AGAP2: variants seen among roughly 807,000 people sequenced by gnomAD.
AGAP2 encodes ArfGAP with GTPase domain, ankyrin repeat and PH domain 2, also known as arf-GAP with GTPase, ANK repeat and PH domain-containing protein 2.
A neutral mutation model predicts 110.9 loss-of-function variants in AGAP2; 32 were observed. The ratio of observed to expected loss-of-function variants is 0.29; its 90% CI spans 0.22 to 0.39. The LOEUF is 0.39. Ranked by LOEUF, AGAP2 falls within the 10% of genes least tolerant of loss-of-function variation. The pLI is 1.00. For missense variants in AGAP2, 1,285 were observed against 1,638.5 expected, an observed-to-expected ratio of 0.78 and a Z score of 3.72; for synonymous variants, 702 against 713.0, an observed-to-expected ratio of 0.98 and a Z score of 0.25.
Position 57,726,893 on chromosome 12 carries a change from G to A in AGAP2, c.3336+81C>T. 1 of 1,473,218 alleles carries A rather than the reference G, an allele frequency of 6.8e-7. No homozygotes were observed. The highest frequency in any genetic ancestry group is 8.9e-7 in the Non-Finnish European group (1 of 1,118,156). The allele number at this position is 1,473,218 out of a possible 1,614,324, so 91.3% of individuals were successfully genotyped here. On this transcript the variant is annotated intron_variant, in intron 18 of 18. Coordinates refer to ENST00000547588, the MANE Select transcript of AGAP2 (RefSeq NM_001122772.3). The surrounding 1 kb of genome is among the most constrained non-coding windows in gnomAD (Gnocchi z 5.7). ...CCAAGCCTACTTCCGGGGTCCCTCTGGGAATTTCGGGCTTTCCCGCGCCAG... is the reference window on the plus strand; with the variant it reads ...CCAAGCCTACTTCCGGGGTCCCTCTAGGAATTTCGGGCTTTCCCGCGCCAG...
In AGAP2 at chr12:57,731,811, C is replaced by T. The variant is rs1275032698; in HGVS notation, c.1951G>A (p.Ala651Thr). 6.4e-7 allele frequency: 1 copy of T among 1,566,460 alleles called. No homozygotes were observed. Among genetic ancestry groups the T allele is most frequent in the East Asian group, 2.3e-5 (1 of 43,940 alleles). The change falls in exon 8 of 19, where the codon GCG (alanine) becomes ACG (threonine). Residue 651 changes from alanine (A) to threonine (T), a missense_variant and splice_region_variant. Around this residue, in one of 7 missense-constraint regions of AGAP2, gnomAD observed 844 missense variants for 941.2 expected, o/e 0.90. Coordinates refer to ENST00000547588, the MANE Select transcript of AGAP2 (RefSeq NM_001122772.3). The part of the protein sequence containing the change: ...RAAKRRTSLF[A>T]NRRGSDSEKR... ...GTCAGCATGTCCATGTCCAATACCGCAAAAAGGCTGGTCCTGCGCTTGGCT... is the reference window on the plus strand; with the variant it reads ...GTCAGCATGTCCATGTCCAATACCGTAAAAAGGCTGGTCCTGCGCTTGGCT...
chr12:57,741,452 CGTGT>C (rs148891707), upstream of AGAP2, among the ~76,000 whole-genome samples: 5 of 150,770 alleles, frequency 3.3e-5, no homozygotes, highest in Non-Finnish European at 5.9e-5. Flanking sequence ...AATGTGCATG[CGTGT>C]GTGTGTGTGT....
At position 57,730,484 on chromosome 12, in the gene AGAP2, T is replaced by C; in HGVS notation, c.2428+11A>G. On this transcript the variant is annotated intron_variant, in intron 12 of 18. Transcript: ENST00000547588. ...GTGGAAGACAGCAGATGGAAGGTCA[T>C]CCCCACTGACCCGTGCTGAGGGCTC... is the stretch of plus-strand genomic sequence containing the variant. 1.9e-6 allele frequency: 3 copies of C among 1,613,322 alleles called. No individual in the cohort carries two copies. Among genetic ancestry groups the C allele is most frequent in the Non-Finnish European group, 2.5e-6 (3 of 1,179,834 alleles).
chr12:57,738,001 G>A lies in AGAP2; in HGVS notation c.246C>T (p.Ser82=), dbSNP rs752991698. Residue 82 remains serine (S), a synonymous_variant, in exon 1 of 19, where the codon AGC becomes AGT. Transcript: ENST00000547588. This position sits in a 1 kb window ranked among gnomAD's most constrained non-coding sequence, Gnocchi z 6.7. ...GGGGCTCCGCGCCCCCGGTGCCCGCGCTGCTCGTGCTGATCCACAGCGCAT... is the reference window on the plus strand; with the variant it reads ...GGGGCTCCGCGCCCCCGGTGCCCGCACTGCTCGTGCTGATCCACAGCGCAT... ...RQDALWISTS[S]AGTGGAEPPA... The A allele has an allele frequency of 1.3e-6, 2 of 1,484,386 alleles. No individual in the cohort carries two copies. The highest frequency in any genetic ancestry group is 1.3e-5 in the South Asian group (1 of 78,494). 92.0% of individuals were successfully genotyped at this position (1,484,386 alleles called of 1,614,324 possible).
intron 13 of AGAP2, among the ~76,000 whole-genome samples, chr12:57,729,175 C>CAAAAA (rs766183934): frequency 5.6e-4 from 20 of 35,580 alleles, no homozygotes; most frequent in East Asian, 1.6e-3. Flanking sequence ...GACTCCATCT[C>CAAAAA]AAAAAAAAAA....
At position 57,726,710 on chromosome 12, in the gene AGAP2, C is replaced by T. The variant is rs1033908207; in HGVS notation, c.3421G>A (p.Asp1141Asn). Reference protein sequence around the residue: ...ARQAGSQLCADILLQHGCPGE... With the variant: ...ARQAGSQLCANILLQHGCPGE... ...GGGCAGCCGTGCTGGAGAAGGATGT[C>T]GGCGCACAGCTGGCTTCCAGCCTGG... Residue 1141 changes from aspartate (D) to asparagine (N), a missense_variant, in exon 19 of 19, where the codon GAC (aspartate) becomes AAC (asparagine). Around this residue, in one of 7 missense-constraint regions of AGAP2, gnomAD observed 201 missense variants for 276.1 expected, o/e 0.73. Coordinates refer to ENST00000547588, the MANE Select transcript of AGAP2 (RefSeq NM_001122772.3). This position sits in a 1 kb window ranked among gnomAD's most constrained non-coding sequence, Gnocchi z 5.7. 7 of 1,255,254 alleles carry T rather than the reference C, an allele frequency of 5.6e-6. No homozygotes were observed. The highest frequency in any genetic ancestry group is 2.7e-5 in the South Asian group (1 of 36,400). 77.8% of individuals were successfully genotyped at this position (1,255,254 alleles called of 1,614,324 possible). A position where few individuals can be genotyped will look rare whatever the true frequency, so the allele number is the denominator to read the frequency against.
intron 5 of AGAP2, 70 bp from the exon 6 acceptor site, chr12:57,733,049 A>T: frequency 2.5e-6 from 4 of 1,591,916 alleles, no homozygotes; most frequent in Non-Finnish European, 3.4e-6. Context: ...CAATTCCCTT[A>T]TCCTTGCACT....
Position 57,737,051 on chromosome 12 carries a change from C to A in AGAP2, c.1168+28G>T. ...TGAGCATTCCAGGTACCCTTCCCTC[C>A]CTGTTCTCAAGCCCTGACTCAACTC... On this transcript the variant is annotated intron_variant, in intron 1 of 18. Transcript: ENST00000547588. The surrounding 1 kb of genome is among the most constrained non-coding windows in gnomAD (Gnocchi z 5.9). The A allele has an allele frequency of 6.8e-7, 1 of 1,477,970 alleles. No individual in the cohort carries two copies. The highest frequency in any genetic ancestry group is 9.0e-7 in the Non-Finnish European group (1 of 1,113,900). The allele number at this position is 1,477,970 out of a possible 1,614,324, so 91.6% of individuals were successfully genotyped here. A position where few individuals can be genotyped will look rare whatever the true frequency, so the allele number is the denominator to read the frequency against.
rs952261217 is a variant in AGAP2 at position 57,738,537 on chromosome 12, G to T, written c.-291C>A. On this transcript the variant is annotated 5_prime_UTR_variant, in exon 1 of 19. Coordinates refer to ENST00000547588, the MANE Select transcript of AGAP2 (RefSeq NM_001122772.3). This position sits in a 1 kb window ranked among gnomAD's most constrained non-coding sequence, Gnocchi z 6.7. ...CCGGACCGTCCACCCCGGCCTGGGTGGGGGCGCTGAGATGGGTGGGGGAGG... is the reference window on the plus strand; with the variant it reads ...CCGGACCGTCCACCCCGGCCTGGGTTGGGGCGCTGAGATGGGTGGGGGAGG... Among the ~76,000 whole-genome samples, 2 of 151,876 alleles carry T rather than the reference G, an allele frequency of 1.3e-5. No homozygotes were observed. The highest frequency in any genetic ancestry group is 4.8e-5 in the African/African-American group (2 of 41,372).
upstream of AGAP2, chr12:57,742,078 C>G: frequency 6.2e-7 from 1 of 1,613,290 alleles, no homozygotes; most frequent in Non-Finnish European, 8.5e-7. Context: ...GCATGTTGCC[C>G]AGACCTGTCT....
In AGAP2 at chr12:57,726,498, G is replaced by A; in HGVS notation, c.*54C>T. 1 of 1,175,330 alleles carries A rather than the reference G, an allele frequency of 8.5e-7. No homozygotes were observed. The highest frequency in any genetic ancestry group is 1.1e-6 in the Non-Finnish European group (1 of 950,476). The allele number at this position is 1,175,330 out of a possible 1,614,324, so 72.8% of individuals were successfully genotyped here. ...GGTGCGTCTGTCCAGCGGTCCGCCC[G>A]GTGTGGTCGTGCCCGGCCCGCGTGG... On this transcript the variant is annotated 3_prime_UTR_variant, in exon 19 of 19. Coordinates refer to ENST00000547588, the MANE Select transcript of AGAP2 (RefSeq NM_001122772.3). This position sits in a 1 kb window ranked among gnomAD's most constrained non-coding sequence, Gnocchi z 5.7.
At chr12:57,731,998 G>A (rs761877547) in intron 7 of AGAP2, 31 bp from the exon 8 acceptor site, 1 of 1,608,502 alleles carries the variant, frequency 6.2e-7, no homozygotes, top group South Asian at 1.1e-5. Context: ...CAGCAGAGCT[G>A]AGATGCCCCC....
chr12:57,729,103 G>A (rs1954833514), intron 13 of AGAP2, among the ~76,000 whole-genome samples: 1 of 149,616 alleles, frequency 6.7e-6, no homozygotes, highest in Non-Finnish European at 1.5e-5. Flanking sequence ...GTGAACCCGG[G>A]AGGCAGAGCT....
Position 57,726,168 on chromosome 12 carries a change from C to T in AGAP2, c.*384G>A, listed in dbSNP as rs1954758319. 1 of 157,058 alleles carries T rather than the reference C, an allele frequency of 6.4e-6. No individual in the cohort carries two copies. Among genetic ancestry groups the T allele is most frequent in the African/African-American group, 2.4e-5 (1 of 41,600 alleles). The allele number at this position is 157,058 out of a possible 1,614,324, so 9.7% of individuals were successfully genotyped here. ...GAGCCAGCCTGGGTATGGGCTCCCG[C>T]CCTGGGATTGTTGAGCTCGGGCAGG... is the stretch of plus-strand genomic sequence containing the variant. On this transcript the variant is annotated 3_prime_UTR_variant, in exon 19 of 19. Transcript: ENST00000547588. This position sits in a 1 kb window ranked among gnomAD's most constrained non-coding sequence, Gnocchi z 5.7.
At position 57,731,912 on chromosome 12, in the gene AGAP2, T is replaced by C. The variant is rs760481033; in HGVS notation, c.1850A>G (p.Asn617Ser). 6.2e-7 allele frequency: 1 copy of C among 1,613,450 alleles called. No homozygotes were observed. Among genetic ancestry groups the C allele is most frequent in the Admixed American group, 1.7e-5 (1 of 59,958 alleles). Reference protein sequence around the residue: ...DYSSSLPSSPNVGHRELRAEA... With the variant: ...DYSSSLPSSPSVGHRELRAEA... Reference sequence around the variant, plus strand: ...GGCTCGGAGCTCCCGGTGACCAACATTCGGTGAGGACGGGAGGGAAGAAGA... The same window carrying C: ...GGCTCGGAGCTCCCGGTGACCAACACTCGGTGAGGACGGGAGGGAAGAAGA... Residue 617 changes from asparagine to serine, a missense_variant, in exon 8 of 19, where the codon AAT becomes AGT. Coordinates refer to ENST00000547588, the MANE Select transcript of AGAP2 (RefSeq NM_001122772.3).
intron 13 of AGAP2, among the ~76,000 whole-genome samples, chr12:57,728,776 G>C (rs1234483667): frequency 1.3e-5 from 2 of 152,132 alleles, no homozygotes; most frequent in African/African-American, 4.8e-5. Context: ...CCCTGGGGCT[G>C]GTGGCGGTGG....
At position 57,726,243 on chromosome 12, in the gene AGAP2, G is replaced by T. The variant is rs943421075; in HGVS notation, c.*309C>A. On this transcript the variant is annotated 3_prime_UTR_variant, in exon 19 of 19. Coordinates refer to ENST00000547588, the MANE Select transcript of AGAP2 (RefSeq NM_001122772.3). The surrounding 1 kb of genome is among the most constrained non-coding windows in gnomAD (Gnocchi z 5.7). Reference sequence around the variant, plus strand: ...GGGGCACAAGCGGGCATGTCCAAGCGCCTAGGAGCCCGTACCGCTGGGGAC... The same window carrying T: ...GGGGCACAAGCGGGCATGTCCAAGCTCCTAGGAGCCCGTACCGCTGGGGAC... 9.0e-5 allele frequency: 17 copies of T among 189,522 alleles called. No homozygotes were observed. The highest frequency in any genetic ancestry group is 3.8e-4 in the African/African-American group (16 of 42,306). The allele number at this position is 189,522 out of a possible 1,614,324, so 11.7% of individuals were successfully genotyped here.
upstream of AGAP2, among the ~76,000 whole-genome samples, chr12:57,741,097 A>C (rs1827282525): frequency 6.6e-6 from 1 of 152,196 alleles, no homozygotes; most frequent in South Asian, 2.1e-4. Flanking sequence ...AGCGAGCTGG[A>C]ACAACCTCCA....
At chr12:57,733,581 TTCA>T (rs1308533147) in intron 5 of AGAP2, among the ~76,000 whole-genome samples, 2 of 152,208 alleles carry the variant, frequency 1.3e-5, no homozygotes, top group Non-Finnish European at 2.9e-5. Flanking sequence ...CTCTCTTCTT[TTCA>T]TCATCATTTC....
Sources: allele counts gnomAD v4.1 joint callset (sites outside exome capture counted in the v4.1 genomes callset), GRCh38; gene constraint gnomAD v4.1.1; regional missense constraint gnomAD v4.1.1; non-coding constraint Gnocchi (gnomAD v3.1); transcripts MANE v1.5; gene names NCBI Gene and HGNC (gene_info 2026-07-23, HGNC 2026-07-21).